CERS2: variants seen among roughly 807,000 people sequenced by gnomAD.
The protein encoded by CERS2 is LAG1 homolog, ceramide synthase 2.
Under a neutral mutation model 56.6 loss-of-function variants are expected in CERS2, and 20 were observed. That is an observed-to-expected ratio of 0.35 (90% confidence interval 0.25 to 0.51). The LOEUF is 0.51. CERS2 is among the 20% of genes least tolerant of loss of function. CERS2 has a pLI of 0.96. For synonymous variants in CERS2, 187 were observed against 175.4 expected (o/e 1.07, Z -0.52); for missense variants, 361 against 488.6 (o/e 0.74, Z 2.46).
chr1:150,972,611 C>T (rs1671209962), intron 1 of CERS2, among the ~76,000 whole-genome samples: 3 of 152,230 alleles, frequency 2.0e-5, no homozygotes, highest in Admixed American at 2.0e-4. Context: ...GAGAAAATCA[C>T]ATCTAGAAAC....
intron 1 of CERS2, among the ~76,000 whole-genome samples, chr1:150,971,584 G>C (rs1671181529): frequency 6.6e-6 from 1 of 151,174 alleles, no homozygotes; most frequent in Non-Finnish European, 1.5e-5. Context: ...CTCCACCTCA[G>C]CCAGAATAAA....
intron 1 of CERS2, among the ~76,000 whole-genome samples, chr1:150,969,959 A>G (rs1671135268): frequency 6.6e-6 from 1 of 152,104 alleles, no homozygotes; most frequent in Non-Finnish European, 1.5e-5. Flanking sequence ...GCTGGGCAGT[A>G]GCTCACGCCT....
In CERS2 at chr1:150,966,634, G is replaced by A. The variant is rs879060559; in HGVS notation, c.849-5C>T. The stretch of plus-strand genomic sequence containing the variant: ...ACCAGGGTGCAATGCAGGATCCTGA[G>A]GATTCAAGGAGAGAGAGAACGTGGA... On this transcript the variant is annotated splice_region_variant and splice_polypyrimidine_tract_variant and intron_variant, in intron 9 of 10. Coordinates refer to ENST00000368954, the MANE Select transcript of CERS2 (RefSeq NM_022075.5). The A allele has an allele frequency of 6.2e-7, 1 of 1,613,938 alleles. No homozygotes were observed. Among genetic ancestry groups the A allele is most frequent in the African/African-American group, 1.3e-5 (1 of 74,984 alleles).
At chr1:150,969,124 G>C (rs761708686) in intron 1 of CERS2, 33 bp from the exon 2 acceptor site, 2 of 1,596,984 alleles carry the variant, frequency 1.3e-6, no homozygotes, top group African/African-American at 1.3e-5. Context: ...GGCATCAAGA[G>C]GGAGTAGCTA....
At position 150,968,201 on chromosome 1, in the gene CERS2, C is replaced by A. The variant is rs1459461270; in HGVS notation, c.292G>T (p.Val98Leu). ...YLTSGKQPKQ[V>L]EVELLSRQSG... ...TGCCGGGACAAAAGCTCTACTTCCACCTGGGCACAGTGAAGAAGCCCATTG... is the reference window on the plus strand; with the variant it reads ...TGCCGGGACAAAAGCTCTACTTCCAACTGGGCACAGTGAAGAAGCCCATTG... Residue 98 changes from valine (V) to leucine (L), a missense_variant and splice_region_variant, in exon 4 of 11, where the codon GTG (valine) becomes TTG (leucine). Physicochemically the swap from Val to Leu is conservative, Grantham distance 32. Around this residue, in one of 3 missense-constraint regions of CERS2, gnomAD observed 236 missense variants for 309.2 expected, o/e 0.76. Coordinates refer to ENST00000368954, the MANE Select transcript of CERS2 (RefSeq NM_022075.5). The A allele has an allele frequency of 6.2e-7, 1 of 1,609,230 alleles. No individual in the cohort carries two copies.
chr1:150,966,994 C>A, intron 8 of CERS2, 80 bp downstream of exon 8: 1 of 1,559,918 alleles, frequency 6.4e-7, no homozygotes, highest in South Asian at 1.1e-5. Flanking sequence ...TCCAAATTCC[C>A]ACCCCGCACC....
At chr1:150,970,796 GCATGA>G (rs776426982) in intron 1 of CERS2, among the ~76,000 whole-genome samples, 1 of 152,180 alleles carries the variant, frequency 6.6e-6, no homozygotes, top group Non-Finnish European at 1.5e-5. Flanking sequence ...GGGATTACAG[GCATGA>G]GCCACGGTGC....
At position 150,968,533 on chromosome 1, in the gene CERS2, AG is replaced by A. The variant is rs759497671; in HGVS notation, c.174-22del. On this transcript the variant is annotated intron_variant, in intron 2 of 10. Transcript: ENST00000368954. The stretch of plus-strand genomic sequence containing the variant: ...CGTACCTGGGGAAGGGATATGAGTA[AG>A]GTATCTAGCTTGCTGGGAAGGGAAA... 1.0e-5 allele frequency: 16 copies of A among 1,561,592 alleles called. No homozygotes were observed. In the South Asian group the frequency reaches 1.8e-4, roughly 17 times the overall value.
In CERS2 at chr1:150,965,241, C is replaced by CT. The variant is rs1427253594; in HGVS notation, c.*906dup. The CT allele has an allele frequency of 2.0e-5, 3 of 152,480 alleles. No homozygotes were observed. Among genetic ancestry groups the CT allele is most frequent in the East Asian group, 1.9e-4 (1 of 5,202 alleles). 9.4% of individuals were successfully genotyped at this position (152,480 alleles called of 1,614,324 possible). On this transcript the variant is annotated 3_prime_UTR_variant, in exon 11 of 11. Transcript: ENST00000368954. ...ATCCCCCTTCTCAATTCCTAATAGT[C>CT]TGACACTTATTGCCATGTTTTATTT...
At position 150,968,987 on chromosome 1, in the gene CERS2, T is replaced by C. The variant is rs927448069; in HGVS notation, c.104A>G (p.Lys35Arg). 1.4e-5 allele frequency: 23 copies of C among 1,613,936 alleles called. No individual in the cohort carries two copies. Among genetic ancestry groups the C allele is most frequent in the Non-Finnish European group, 1.9e-5 (23 of 1,180,014 alleles). ...LEDRDGRVYA[K>R]ASDLYITLPL... ...CAGCGTGATATAGAGATCTGAGGCT[T>C]TGGCGTAGACACGTCCATCTCGGTC... The change falls in exon 2 of 11, where the codon AAA becomes AGA. Residue 35 changes from lysine (K) to arginine (R), a missense_variant. Transcript: ENST00000368954.
At chr1:150,967,630 A>G (rs1377915107) in intron 6 of CERS2, 34 bp downstream of exon 6, 2 of 1,581,872 alleles carry the variant, frequency 1.3e-6, no homozygotes, top group Non-Finnish European at 1.7e-6. Flanking sequence ...GGTGTGTCTT[A>G]GTCCACCCCC....
At chr1:150,967,295 C>G (rs1256675500) in intron 7 of CERS2, 93 bp from the exon 8 acceptor site, 2 of 1,445,996 alleles carry the variant, frequency 1.4e-6, no homozygotes, top group Non-Finnish European at 1.9e-6. Flanking sequence ...CATATACCAA[C>G]AGCTCCATTC....
rs1159908977 is a variant in CERS2, at chr1:150,968,989, G to A, written c.102C>T (p.Ala34=). ...GCGTGATATAGAGATCTGAGGCTTT[G>A]GCGTAGACACGTCCATCTCGGTCTT... ...DLEDRDGRVY[A]KASDLYITLP... Residue 34 remains alanine, a synonymous_variant, in exon 2 of 11, where the codon GCC becomes GCT. Coordinates refer to ENST00000368954, the MANE Select transcript of CERS2 (RefSeq NM_022075.5). 1.2e-6 allele frequency: 2 copies of A among 1,614,024 alleles called. No homozygotes were observed. Among genetic ancestry groups the A allele is most frequent in the African/African-American group, 2.7e-5 (2 of 74,916 alleles).
At chr1:150,972,652 C>T (rs1162285164) in intron 1 of CERS2, among the ~76,000 whole-genome samples, 1 of 152,236 alleles carries the variant, frequency 6.6e-6, no homozygotes, top group African/African-American at 2.4e-5. Flanking sequence ...CTCCCCCATA[C>T]ACATGAAGAG....
At position 150,968,992 on chromosome 1, in the gene CERS2, G is replaced by A. The variant is rs1038645984; in HGVS notation, c.99C>T (p.Tyr33=). The change falls in exon 2 of 11, where the codon TAC becomes TAT. Residue 33 remains tyrosine, a synonymous_variant. Transcript: ENST00000368954. ...TGATATAGAGATCTGAGGCTTTGGC[G>A]TAGACACGTCCATCTCGGTCTTCTA... ...ADLEDRDGRV[Y]AKASDLYITL... 2.5e-5 allele frequency: 41 copies of A among 1,613,984 alleles called. No homozygotes were observed. Among genetic ancestry groups the A allele is most frequent in the South Asian group, 5.5e-5 (5 of 91,076 alleles).
intron 1 of CERS2, among the ~76,000 whole-genome samples, chr1:150,973,396 G>GAC (rs1012369561): frequency 7.2e-5 from 11 of 152,236 alleles, no homozygotes; most frequent in African/African-American, 2.7e-4. Context: ...GGTGTTGAAG[G>GAC]ACACAGTGAG....
intron 7 of CERS2, 85 bp downstream of exon 7, chr1:150,967,307 G>A (rs1032398025): frequency 1.1e-5 from 16 of 1,439,232 alleles, no homozygotes; most frequent in Non-Finnish European, 1.5e-5. Flanking sequence ...GCTCCATTCA[G>A]AGTACCCAGA....
In CERS2 at chr1:150,966,647, G is replaced by A. The variant is rs778569881; in HGVS notation, c.849-18C>T. On this transcript the variant is annotated intron_variant, in intron 9 of 10. Transcript: ENST00000368954. ...GCAGGATCCTGAGGATTCAAGGAGA[G>A]AGAGAACGTGGACAAGAGCAGGTCA... The A allele has an allele frequency of 1.9e-6, 3 of 1,613,720 alleles. No individual in the cohort carries two copies. Among genetic ancestry groups the A allele is most frequent in the Non-Finnish European group, 2.5e-6 (3 of 1,179,706 alleles).
At chr1:150,971,343 G>A (rs984463843) in intron 1 of CERS2, among the ~76,000 whole-genome samples, 2 of 152,142 alleles carry the variant, frequency 1.3e-5, no homozygotes, top group Non-Finnish European at 2.9e-5. Flanking sequence ...CTGCTGCTCT[G>A]ACAGCTCCCG....
Sources: allele counts gnomAD v4.1 joint callset (sites outside exome capture counted in the v4.1 genomes callset), GRCh38; gene constraint gnomAD v4.1.1; regional missense constraint gnomAD v4.1.1; transcripts MANE v1.5; gene names NCBI Gene and HGNC (gene_info 2026-07-23, HGNC 2026-07-21).